TOM1L2: variants seen among roughly 807,000 people sequenced by gnomAD.
The protein encoded by TOM1L2 is target of myb1 like 2 membrane trafficking protein.
TOM1L2 carries 31 observed loss-of-function variants against 67.9 expected under a neutral mutation model. That is an observed-to-expected ratio of 0.46 (90% CI 0.34 to 0.62). The LOEUF is 0.62. Ranked by LOEUF, TOM1L2 falls within the 20% of genes least tolerant of loss-of-function variation. TOM1L2 has a pLI of 0.01. For synonymous variants in TOM1L2, 256 were observed against 254.0 expected (o/e 1.01, Z -0.07); for missense variants, 606 against 663.5 (o/e 0.91, Z 0.95).
chr17:17,911,715 A>T (rs1172649825), intron 1 of TOM1L2, among the ~76,000 whole-genome samples: 2 of 148,876 alleles, frequency 1.3e-5, no homozygotes, highest in African/African-American at 2.5e-5. Flanking sequence ...GGGATTTGGC[A>T]GGGTCATAGG....
At chr17:17,932,150 A>C (rs2040361455) in intron 1 of TOM1L2, among the ~76,000 whole-genome samples, 1 of 152,210 alleles carries the variant, frequency 6.6e-6, no homozygotes, top group Non-Finnish European at 1.5e-5. Context: ...ATTACCTTTC[A>C]TGGGTGAGAT....
At chr17:17,907,822 C>T (rs1334647575) in intron 1 of TOM1L2, among the ~76,000 whole-genome samples, 1 of 152,168 alleles carries the variant, frequency 6.6e-6, no homozygotes, top group Non-Finnish European at 1.5e-5. Context: ...TTTATGAACC[C>T]GTAGAGTCTG....
chr17:17,952,095 C>G (rs1055319951), intron 1 of TOM1L2, among the ~76,000 whole-genome samples: 2 of 152,154 alleles, frequency 1.3e-5, no homozygotes, highest in African/African-American at 4.8e-5. Flanking sequence ...CCACTGCCCA[C>G]CAGGAGGAGG....
chr17:17,900,024 C>T (rs1203139826), intron 2 of TOM1L2, among the ~76,000 whole-genome samples: 1 of 152,102 alleles, frequency 6.6e-6, no homozygotes, highest in Non-Finnish European at 1.5e-5. Flanking sequence ...CCAGCCTGGC[C>T]AACATGGTGA....
intron 1 of TOM1L2, among the ~76,000 whole-genome samples, chr17:17,927,703 C>T (rs1278112522): frequency 6.7e-6 from 1 of 149,648 alleles, no homozygotes; most frequent in Non-Finnish European, 1.5e-5. Flanking sequence ...CACTCAGTCA[C>T]TCAGGCTGGG....
At position 17,944,947 on chromosome 17, in the gene TOM1L2, T is replaced by C. The variant is rs76970097; in HGVS notation, c.52+27315A>G. ...TTTCATAGGCCGGATGCTCCTGCAATTCCCAACACCGTACTCCTGACATTG... is the reference window on the plus strand; with the variant it reads ...TTTCATAGGCCGGATGCTCCTGCAACTCCCAACACCGTACTCCTGACATTG... On this transcript the variant is annotated intron_variant, in intron 1 of 14. Coordinates refer to ENST00000379504, the MANE Select transcript of TOM1L2 (RefSeq NM_001082968.2). Among the ~76,000 whole-genome samples the C allele has an allele frequency of 8.0e-3, 1,214 of 152,320 alleles. 14 individuals carry two copies. The highest frequency in any genetic ancestry group is 0.028 in the African/African-American group (1,163 of 41,574).
At chr17:17,940,323 T>C (rs1442656561) in intron 1 of TOM1L2, among the ~76,000 whole-genome samples, 2 of 151,980 alleles carry the variant, frequency 1.3e-5, no homozygotes, top group Non-Finnish European at 2.9e-5. Context: ...AATCAATAAT[T>C]GGTAGCTTTA....
chr17:17,925,538 C>A (rs1232546963), intron 1 of TOM1L2, among the ~76,000 whole-genome samples: 3 of 151,976 alleles, frequency 2.0e-5, no homozygotes, highest in Non-Finnish European at 4.4e-5. Flanking sequence ...TTTAATTCTT[C>A]CATCAAAAAT....
At chr17:17,934,535 C>A (rs867818557) in intron 1 of TOM1L2, among the ~76,000 whole-genome samples, 1 of 152,176 alleles carries the variant, frequency 6.6e-6, no homozygotes, top group African/African-American at 2.4e-5. Flanking sequence ...TGGCAAACAT[C>A]TTAGTAGTGA....
intron 1 of TOM1L2, among the ~76,000 whole-genome samples, chr17:17,954,593 G>T (rs1322355703): frequency 1.3e-5 from 2 of 152,194 alleles, no homozygotes; most frequent in Non-Finnish European, 2.9e-5. Flanking sequence ...GATTACAAGT[G>T]TGAGCCACCG....
chr17:17,936,992 C>G (rs1429599836), intron 1 of TOM1L2, among the ~76,000 whole-genome samples: 2 of 152,162 alleles, frequency 1.3e-5, no homozygotes, highest in Non-Finnish European at 2.9e-5. Context: ...GTTGAACTGG[C>G]CTCTTGTACC....
At chr17:17,899,239 G>C (rs558465449) in intron 2 of TOM1L2, among the ~76,000 whole-genome samples, 7 of 152,340 alleles carry the variant, frequency 4.6e-5, no homozygotes, top group East Asian at 1.9e-4. Context: ...CCATATGAGA[G>C]ACACAGAAGA....
chr17:17,878,847 T>C (rs2037561322), intron 7 of TOM1L2, among the ~76,000 whole-genome samples: 1 of 152,216 alleles, frequency 6.6e-6, no homozygotes, highest in South Asian at 2.1e-4. Flanking sequence ...CCACTGACAT[T>C]TTCTGCAAAT....
chr17:17,872,990 G>C (rs1003255115), intron 7 of TOM1L2, among the ~76,000 whole-genome samples: 5 of 152,186 alleles, frequency 3.3e-5, no homozygotes. Flanking sequence ...CAGAAGACTG[G>C]GGTATCAGCA....
intron 4 of TOM1L2, among the ~76,000 whole-genome samples, chr17:17,892,865 C>CT (rs1392062480): frequency 1.3e-5 from 2 of 152,186 alleles, no homozygotes; most frequent in Non-Finnish European, 2.9e-5. Flanking sequence ...ACTCAGGTCT[C>CT]TTGCCAATAG....
intron 1 of TOM1L2, among the ~76,000 whole-genome samples, chr17:17,958,401 T>G (rs574335842): frequency 6.6e-6 from 1 of 152,256 alleles, no homozygotes; most frequent in African/African-American, 2.4e-5. Context: ...CTAATTTCAT[T>G]TAAACCATCA....
chr17:17,878,915 C>T (rs1044830456), intron 7 of TOM1L2, among the ~76,000 whole-genome samples: 1 of 151,960 alleles, frequency 6.6e-6, no homozygotes, highest in Admixed American at 6.6e-5. Flanking sequence ...CTGGACCTGG[C>T]TGCCCTGGGA....
intron 2 of TOM1L2, among the ~76,000 whole-genome samples, chr17:17,901,883 CAG>C (rs2038873949): frequency 6.7e-6 from 1 of 149,666 alleles, no homozygotes; most frequent in Non-Finnish European, 1.5e-5. Flanking sequence ...GCCTGGAAAA[CAG>C]AGTCTAAAAC....
Position 17,869,423 on chromosome 17 carries a change from G to A in TOM1L2, c.828C>T (p.Ile276=). ...RAMQQRIVEL[I]SRVSNEEVTE... is the part of the protein sequence containing the mutation. ...TGACCTCCTCATTGGACACGCGGGA[G>A]ATGAGCTCCACGATGCGCTGCTGCA... The change falls in exon 8 of 15, where the codon ATC becomes ATT. Residue 276 remains isoleucine (I), a synonymous_variant. Coordinates refer to ENST00000379504, the MANE Select transcript of TOM1L2 (RefSeq NM_001082968.2). 1 of 1,613,618 alleles carries A rather than the reference G, an allele frequency of 6.2e-7. No homozygotes were observed.
Sources: gnomAD v4.1 joint callset for allele counts (sites outside exome capture counted in the v4.1 genomes callset) on GRCh38, gnomAD v4.1.1 for gene constraint, MANE v1.5 for transcripts, NCBI Gene and HGNC (gene_info 2026-07-23, HGNC 2026-07-21) for gene names.